The following CDH12 variants were observed in gnomAD, a reference collection of about 807,000 sequenced individuals.
CDH12 encodes the protein cadherin 12, also known as cadherin-12.
A neutral mutation model predicts 74.1 loss-of-function variants in CDH12; 41 were observed. That is an observed-to-expected ratio of 0.55 (90% CI 0.43 to 0.72). The LOEUF (loss-of-function observed/expected upper bound fraction) is 0.72, where lower values mean the gene tolerates loss of function less well. CDH12 is among the 30% of genes least tolerant of loss of function. The pLI is 0.00. For synonymous variants in CDH12, 399 were observed against 355.0 expected (o/e 1.12, Z -1.39); for missense variants, 945 against 977.2 (o/e 0.97, Z 0.44).
At chr5:22,388,975 T>A (rs1742116546) in intron 3 of CDH12, among the ~76,000 whole-genome samples, 2 of 152,182 alleles carry the variant, frequency 1.3e-5, no homozygotes, top group African/African-American at 4.8e-5. Flanking sequence ...TTAAAGTTTT[T>A]CAAAGCATTT....
intron 6 of CDH12, among the ~76,000 whole-genome samples, chr5:21,961,951 T>C (rs1481412285): frequency 1.3e-5 from 2 of 152,200 alleles, no homozygotes; most frequent in Non-Finnish European, 2.9e-5. Context: ...TATTTTCTTA[T>C]TTGGGTGATG....
At chr5:22,544,907 C>T (rs1224260329) in intron 1 of CDH12, among the ~76,000 whole-genome samples, 1 of 151,978 alleles carries the variant, frequency 6.6e-6, no homozygotes, top group East Asian at 1.9e-4. Context: ...AAAGAAGAGG[C>T]TACAGGTGAC....
intron 2 of CDH12, among the ~76,000 whole-genome samples, chr5:22,455,657 G>T (rs1432865967): frequency 6.6e-6 from 1 of 152,176 alleles, no homozygotes; most frequent in Non-Finnish European, 1.5e-5. Context: ...AAATCTGGAA[G>T]TGATCAGCAC....
chr5:22,726,167 T>A (rs1479511454), intron 1 of CDH12, among the ~76,000 whole-genome samples: 1 of 151,790 alleles, frequency 6.6e-6, no homozygotes, highest in African/African-American at 2.4e-5. Context: ...GTATTTCCAC[T>A]ACCTTCGAAA....
chr5:22,542,140 T>C (rs1182175457), intron 1 of CDH12, among the ~76,000 whole-genome samples: 1 of 152,232 alleles, frequency 6.6e-6, no homozygotes. Context: ...TAATCAATGT[T>C]GACAACTGCA....
At chr5:21,853,836 C>T (rs909383762) in intron 7 of CDH12, among the ~76,000 whole-genome samples, 10 of 151,586 alleles carry the variant, frequency 6.6e-5, no homozygotes, top group Non-Finnish European at 7.4e-5. Context: ...TTTAAGTTCA[C>T]GTAATACATC....
chr5:22,287,299 C>T (rs181055107), intron 3 of CDH12, among the ~76,000 whole-genome samples: 154 of 152,010 alleles, frequency 1.0e-3, no homozygotes, highest in African/African-American at 3.6e-3. Flanking sequence ...TTATTAAATT[C>T]CACTAGGTAA....
intron 3 of CDH12, among the ~76,000 whole-genome samples, chr5:22,331,160 T>G (rs2150445568): frequency 6.6e-6 from 1 of 152,354 alleles, no homozygotes; most frequent in East Asian, 1.9e-4. Flanking sequence ...GATAAATTGC[T>G]AAGTTGCTTT....
chr5:22,346,503 A>G (rs1740122295), intron 3 of CDH12, among the ~76,000 whole-genome samples: 1 of 152,218 alleles, frequency 6.6e-6, no homozygotes, highest in Non-Finnish European at 1.5e-5. Context: ...TAAATGTTAT[A>G]TGTCACTTTC....
At position 21,974,984 on chromosome 5, in the gene CDH12, G is replaced by A. The variant is rs1023137663; in HGVS notation, c.526+107C>T. The A allele has an allele frequency of 3.6e-5, 29 of 796,496 alleles. No homozygotes were observed. In the African/African-American group the frequency reaches 5.0e-4, roughly 14 times the overall value. The allele number at this position is 796,496 out of a possible 1,614,324, so 49.3% of individuals were successfully genotyped here. A position where few individuals can be genotyped will look rare whatever the true frequency, so the allele number is the denominator to read the frequency against. ...GAAAAGAACTGTATTTTCTAGAATT[G>A]AAAAATATTCTTTTAGATGATAGAT... On this transcript the variant is annotated intron_variant, in intron 6 of 14. Coordinates refer to ENST00000382254, the MANE Select transcript of CDH12 (RefSeq NM_004061.5).
intron 6 of CDH12, among the ~76,000 whole-genome samples, chr5:21,932,894 C>T: frequency 6.7e-6 from 1 of 149,906 alleles, no homozygotes; most frequent in Non-Finnish European, 1.5e-5. Flanking sequence ...GCCATCATGT[C>T]ATAGTTTTTG....
intron 1 of CDH12, among the ~76,000 whole-genome samples, chr5:22,519,964 GT>G (rs900522146): frequency 1.2e-4 from 18 of 151,650 alleles, no homozygotes; most frequent in Admixed American, 6.6e-4. Flanking sequence ...TAATAGACTT[GT>G]TTTTTTTCTC....
At chr5:22,553,743 G>A (rs144523492) in intron 1 of CDH12, among the ~76,000 whole-genome samples, 1 of 152,114 alleles carries the variant, frequency 6.6e-6, no homozygotes, top group African/African-American at 2.4e-5. Context: ...TTGACACCAG[G>A]GACCAGTTTC....
At chr5:22,465,505 GC>G (rs1745691816) in intron 2 of CDH12, among the ~76,000 whole-genome samples, 1 of 152,074 alleles carries the variant, frequency 6.6e-6, no homozygotes, top group South Asian at 2.1e-4. Context: ...AATTAGCTAG[GC>G]ATTCTGGTGC....
chr5:22,764,800 AG>A (rs1318874580), intron 1 of CDH12, among the ~76,000 whole-genome samples: 10 of 152,036 alleles, frequency 6.6e-5, no homozygotes, highest in Non-Finnish European at 1.3e-4. Flanking sequence ...TCAAATTGTC[AG>A]ACAATCTAGA....
At chr5:22,818,743 G>A (rs1396414347) in intron 1 of CDH12, among the ~76,000 whole-genome samples, 3 of 152,122 alleles carry the variant, frequency 2.0e-5, no homozygotes, top group Admixed American at 6.6e-5. Flanking sequence ...TTAATCACAG[G>A]CAATAGGTAA....
intron 2 of CDH12, among the ~76,000 whole-genome samples, chr5:22,465,043 A>ATC (rs1745671231): frequency 8.7e-6 from 1 of 115,122 alleles, no homozygotes. Context: ...GAGGGGGGGA[A>ATC]GGGAGGAAGG....
At chr5:21,971,863 C>G (rs1756867980) in intron 6 of CDH12, among the ~76,000 whole-genome samples, 1 of 152,066 alleles carries the variant, frequency 6.6e-6, no homozygotes, top group South Asian at 2.1e-4. Flanking sequence ...ATATTACTTC[C>G]CTGGAATATT....
intron 1 of CDH12, among the ~76,000 whole-genome samples, chr5:22,579,379 C>T (rs1320906470): frequency 1.3e-5 from 2 of 151,998 alleles, no homozygotes; most frequent in Non-Finnish European, 2.9e-5. Context: ...CTTTTGTGCC[C>T]TTTTAGTCTT....
Sources: gnomAD v4.1 joint callset for allele counts (sites outside exome capture counted in the v4.1 genomes callset) on GRCh38, gnomAD v4.1.1 for gene constraint, MANE v1.5 for transcripts, NCBI Gene and HGNC (gene_info 2026-07-23, HGNC 2026-07-21) for gene names.